Variants in MAPK9 observed in about 807,000 individuals in gnomAD.
MAPK9 encodes mitogen-activated protein kinase 9.
Under a neutral mutation model 57.1 loss-of-function variants are expected in MAPK9, and 30 were observed. The ratio of observed to expected loss-of-function variants is 0.53; its 90% CI spans 0.39 to 0.71. The LOEUF (loss-of-function observed/expected upper bound fraction) is 0.71, where lower values mean the gene tolerates loss of function less well. Among genes scored for constraint, MAPK9 ranks in the 30% least tolerant of loss-of-function variants. The pLI is 0.00. For missense variants in MAPK9, 362 were observed against 521.0 expected, an observed-to-expected ratio of 0.69 and a Z score of 2.97; for synonymous variants, 155 against 177.0, an observed-to-expected ratio of 0.88 and a Z score of 0.99.
At chr5:180,241,335 C>A (rs1014452390) in intron 8 of MAPK9, among the ~76,000 whole-genome samples, 180 bp from the exon 9 acceptor site, 2 of 150,034 alleles carry the variant, frequency 1.3e-5, no homozygotes, top group African/African-American at 2.5e-5. Context: ...GACGGAGTCT[C>A]GCTCTGTCGC....
intron 2 of MAPK9, among the ~76,000 whole-genome samples, chr5:180,278,880 A>C (rs918569817): frequency 1.3e-5 from 2 of 152,060 alleles, no homozygotes; most frequent in Non-Finnish European, 2.9e-5. Flanking sequence ...TATAAACCAA[A>C]AGAATGCTTT....
chr5:180,253,965 T>TTTG (rs1459294500), intron 5 of MAPK9, among the ~76,000 whole-genome samples: 10 of 145,864 alleles, frequency 6.9e-5, no homozygotes, highest in African/African-American at 2.5e-4. Flanking sequence ...TTCAATCTCT[T>TTTG]TTTTTTTTTT....
intron 11 of MAPK9, chr5:180,237,369 A>G (rs1757254664): frequency 6.6e-6 from 1 of 152,246 alleles, no homozygotes; most frequent in South Asian, 2.1e-4. Context: ...AGACAATGAT[A>G]TAACGTGAGC....
chr5:180,238,541 T>C, intron 10 of MAPK9, 138 bp from the exon 11 acceptor site: 1 of 610,008 alleles, frequency 1.6e-6, no homozygotes, highest in South Asian at 1.9e-5. Context: ...GTCAATTCAG[T>C]AATATAGTCT....
At chr5:180,240,171 T>C (rs1442190732) in intron 9 of MAPK9, among the ~76,000 whole-genome samples, 184 bp from the exon 10 acceptor site, 1 of 152,234 alleles carries the variant, frequency 6.6e-6, no homozygotes, top group African/African-American at 2.4e-5. Context: ...AAAATAATTA[T>C]GAAAAAGTTA....
chr5:180,234,861 T>C lies in MAPK9; in HGVS notation c.*1523A>G, dbSNP rs35934450. On this transcript the variant is annotated 3_prime_UTR_variant, in exon 12 of 12. Transcript: ENST00000452135. ...CTGGTGCAGAGAGAGCCATATATTT[T>C]ACATAATATTTATAATAAACTTTCT... 2 of 152,312 alleles carry C rather than the reference T, an allele frequency of 1.3e-5. No homozygotes were observed. Among genetic ancestry groups the C allele is most frequent in the East Asian group, 3.9e-4 (2 of 5,184 alleles). The allele number at this position is 152,312 out of a possible 1,614,324, so 9.4% of individuals were successfully genotyped here. A position where few individuals can be genotyped will look rare whatever the true frequency, so the allele number is the denominator to read the frequency against.
rs1404884570 is a variant in MAPK9 at position 180,247,692 on chromosome 5, CTGGGGT to C, written c.617-188_617-183del. 1.5e-5 allele frequency: 14 copies of C among 952,806 alleles called. No homozygotes were observed. The East Asian group carries it at 3.6e-4, about 25-fold the overall frequency. 59.0% of individuals were successfully genotyped at this position (952,806 alleles called of 1,614,324 possible). On this transcript the variant is annotated intron_variant, in intron 6 of 11. Coordinates refer to ENST00000452135, the MANE Select transcript of MAPK9 (RefSeq NM_002752.5). This position sits in a 1 kb window ranked among gnomAD's most constrained non-coding sequence, Gnocchi z 4.5. Reference sequence around the variant, plus strand: ...ATTTTAGCCTTCGGTTTGTAGCAATCTGGGGTTTTAGTGCCAAAGAGTCCAATACTT... The same window carrying C: ...ATTTTAGCCTTCGGTTTGTAGCAATCTTTAGTGCCAAAGAGTCCAATACTT...
At chr5:180,253,993 T>C (rs1369314157) in intron 5 of MAPK9, among the ~76,000 whole-genome samples, 1 of 116,688 alleles carries the variant, frequency 8.6e-6, no homozygotes, top group Non-Finnish European at 1.7e-5. Flanking sequence ...TGAGACGAAG[T>C]CTCGATCTTG....
intron 5 of MAPK9, among the ~76,000 whole-genome samples, chr5:180,255,510 T>C (rs1759184663): frequency 6.6e-6 from 1 of 151,656 alleles, no homozygotes; most frequent in Admixed American, 6.6e-5. Context: ...TTCAGATGCC[T>C]GATGGAAGAG....
chr5:180,240,148 C>A (rs971941652), intron 9 of MAPK9, among the ~76,000 whole-genome samples, 161 bp from the exon 10 acceptor site: 1 of 152,166 alleles, frequency 6.6e-6, no homozygotes, highest in Admixed American at 6.5e-5. Flanking sequence ...GATATTATAT[C>A]AACTTTAGAA....
rs1379274910 is a variant in MAPK9, at chr5:180,233,720, AC to A, written c.*2663del. The A allele has an allele frequency of 7.2e-5, 11 of 152,374 alleles. No homozygotes were observed. Among genetic ancestry groups the A allele is most frequent in the Non-Finnish European group, 1.3e-4 (9 of 68,038 alleles). The allele number at this position is 152,374 out of a possible 1,614,324, so 9.4% of individuals were successfully genotyped here. ...CTGAAAGGTCACACTTGTATTTATT[AC>A]CAGGAGGAAATACCAGAGGAGTCAC... On this transcript the variant is annotated 3_prime_UTR_variant, in exon 12 of 12. Coordinates refer to ENST00000452135, the MANE Select transcript of MAPK9 (RefSeq NM_002752.5).
At chr5:180,278,402 T>C (rs1380692148) in intron 2 of MAPK9, among the ~76,000 whole-genome samples, 1 of 152,224 alleles carries the variant, frequency 6.6e-6, no homozygotes, top group African/African-American at 2.4e-5. Context: ...AAGCACGTAT[T>C]TAAAACAGCT....
At chr5:180,241,321 C>T (rs76018874) in intron 8 of MAPK9, among the ~76,000 whole-genome samples, 166 bp from the exon 9 acceptor site, 60 of 134,380 alleles carry the variant, frequency 4.5e-4, no homozygotes, top group African/African-American at 1.1e-3. Context: ...TTTTTTTTTT[C>T]GGAGACGGAG....
chr5:180,242,844 C>T (rs908300240), intron 7 of MAPK9, 89 bp from the exon 8 acceptor site: 86 of 965,160 alleles, frequency 8.9e-5, no homozygotes, highest in Non-Finnish European at 1.1e-4. Context: ...TTAAACCTAT[C>T]GACTAGGCCA....
chr5:180,252,017 A>G (rs1434245676), intron 5 of MAPK9, among the ~76,000 whole-genome samples: 2 of 152,182 alleles, frequency 1.3e-5, no homozygotes, highest in Admixed American at 6.5e-5. Flanking sequence ...ATGAATGGAC[A>G]CAGCTCTAAG....
At position 180,238,553 on chromosome 5, in the gene MAPK9, C is replaced by T. The variant is rs1053471392; in HGVS notation, c.1061-150G>A. On this transcript the variant is annotated intron_variant, in intron 10 of 11. Coordinates refer to ENST00000452135, the MANE Select transcript of MAPK9 (RefSeq NM_002752.5). ...AGAGTCAATTCAGTAATATAGTCTACCTGGACCAAAATATTCATATTTTGA... is the reference window on the plus strand; with the variant it reads ...AGAGTCAATTCAGTAATATAGTCTATCTGGACCAAAATATTCATATTTTGA... The T allele has an allele frequency of 1.1e-5, 6 of 556,810 alleles. No individual in the cohort carries two copies. The East Asian group carries it at 1.6e-4, about 15-fold the overall frequency. 34.5% of individuals were successfully genotyped at this position (556,810 alleles called of 1,614,324 possible).
chr5:180,260,500 T>C (rs1222145001), intron 5 of MAPK9, among the ~76,000 whole-genome samples: 2 of 152,194 alleles, frequency 1.3e-5, no homozygotes, highest in Admixed American at 6.5e-5. Context: ...AAATATATTG[T>C]GTTTGTCAGT....
At chr5:180,242,792 C>A (rs777377908) in intron 7 of MAPK9, 37 bp from the exon 8 acceptor site, 15 of 1,517,728 alleles carry the variant, frequency 9.9e-6, no homozygotes, top group African/African-American at 2.8e-5. Context: ...ACTGAAGTAC[C>A]TTGTATTCAC....
intron 2 of MAPK9, among the ~76,000 whole-genome samples, chr5:180,272,276 T>G (rs1429131648): frequency 1.3e-5 from 2 of 152,222 alleles, no homozygotes; most frequent in African/African-American, 4.8e-5. Context: ...ATGGTATTGC[T>G]CTGCCCCCAC....
Sources: allele counts gnomAD v4.1 joint callset (sites outside exome capture counted in the v4.1 genomes callset), GRCh38; gene constraint gnomAD v4.1.1; non-coding constraint Gnocchi (gnomAD v3.1); transcripts MANE v1.5; gene names NCBI Gene and HGNC (gene_info 2026-07-23, HGNC 2026-07-21).